FRS2: variants seen among roughly 807,000 people sequenced by gnomAD.
The protein encoded by FRS2 is fibroblast growth factor receptor substrate 2.
FRS2 carries 8 observed loss-of-function variants against 43.9 expected under a neutral mutation model. That is an observed-to-expected ratio of 0.18 (90% CI 0.11 to 0.33). The LOEUF is 0.33. Ranked by LOEUF, FRS2 falls within the 10% of genes least tolerant of loss-of-function variation. The pLI is 1.00. For synonymous variants in FRS2, 219 were observed against 220.3 expected (o/e 0.99, Z 0.05); for missense variants, 534 against 627.6 (o/e 0.85, Z 1.59).
intron 1 of FRS2, among the ~76,000 whole-genome samples, chr12:69,505,073 G>C (rs1416091265): frequency 1.3e-5 from 2 of 152,162 alleles, no homozygotes; most frequent in Non-Finnish European, 2.9e-5. Context: ...TGCTTTGGCT[G>C]ATCTCAAACT....
intron 1 of FRS2, among the ~76,000 whole-genome samples, chr12:69,489,322 CT>C (rs1247203386): frequency 1.3e-5 from 2 of 151,866 alleles, no homozygotes; most frequent in South Asian, 2.1e-4. Flanking sequence ...CTCCTTGGTT[CT>C]TTTTTTTGCA....
chr12:69,471,434 T>C (rs76177064), intron 1 of FRS2, among the ~76,000 whole-genome samples: 4,205 of 152,328 alleles, frequency 0.028, 185 homozygotes, highest in African/African-American at 0.096. Context: ...GGAACTGTCA[T>C]TTTTCTTAAG....
At position 69,522,190 on chromosome 12, in the gene FRS2, T is replaced by TTGTGTGTGTGTG. The variant is rs201103216; in HGVS notation, c.-260-8639_-260-8628dup. Among the ~76,000 whole-genome samples the TTGTGTGTGTGTG allele has an allele frequency of 1.0e-3, 140 of 134,816 alleles. 1 individual carries two copies. In the Middle Eastern group the frequency reaches 0.015, roughly 14 times the overall value. The allele number at this position is 134,816 out of a possible 152,430, so 88.4% of individuals were successfully genotyped here. On this transcript the variant is annotated intron_variant, in intron 1 of 8. Coordinates refer to ENST00000549921, the MANE Select transcript of FRS2 (RefSeq NM_001278356.2). ...TCAAGGATATTGGCTGAAGTTTTCT[T>TTGTGTGTGTGTG]TGTGTGTGTGTGTGTGTGTGTGTGT...
intron 1 of FRS2, among the ~76,000 whole-genome samples, chr12:69,479,948 G>A (rs1000056667): frequency 1.3e-5 from 2 of 151,884 alleles, no homozygotes; most frequent in Non-Finnish European, 2.9e-5. Context: ...CTCTACCTCC[G>A]TGTCTCTTAA....
At chr12:69,488,452 T>G (rs1041438749) in intron 1 of FRS2, among the ~76,000 whole-genome samples, 4 of 152,202 alleles carry the variant, frequency 2.6e-5, no homozygotes, top group Admixed American at 2.6e-4. Flanking sequence ...TGCGTTTTTT[T>G]AAACGTAATG....
intron 1 of FRS2, among the ~76,000 whole-genome samples, chr12:69,514,831 C>A (rs1424964094): frequency 4.8e-5 from 7 of 146,142 alleles, no homozygotes; most frequent in Non-Finnish European, 4.5e-5. Flanking sequence ...GACTGTGTCT[C>A]AAAAAAAAAA....
chr12:69,557,512 T>C (rs1271098792), intron 3 of FRS2, among the ~76,000 whole-genome samples: 1 of 152,098 alleles, frequency 6.6e-6, no homozygotes, highest in African/African-American at 2.4e-5. Context: ...ATCCTTTTGG[T>C]GTTGCTAGAG....
rs1234338124 is a variant in FRS2 at position 69,572,058 on chromosome 12, CT to C, written c.413-59del. Reference sequence around the variant, plus strand: ...ATCCTCAGTACAGATTCGATTCTTACTCATTTTTATTCTCTCTGCCCCGCCC... The same window carrying C: ...ATCCTCAGTACAGATTCGATTCTTACCATTTTTATTCTCTCTGCCCCGCCC... On this transcript the variant is annotated intron_variant, in intron 7 of 8. Coordinates refer to ENST00000549921, the MANE Select transcript of FRS2 (RefSeq NM_001278356.2). 2.3e-6 allele frequency: 3 copies of C among 1,316,736 alleles called. No homozygotes were observed. In the African/African-American group the frequency reaches 4.4e-5, roughly 19 times the overall value. 81.6% of individuals were successfully genotyped at this position (1,316,736 alleles called of 1,614,324 possible). A position where few individuals can be genotyped will look rare whatever the true frequency, so the allele number is the denominator to read the frequency against.
At chr12:69,479,598 A>G (rs1453714049) in intron 1 of FRS2, among the ~76,000 whole-genome samples, 1 of 151,720 alleles carries the variant, frequency 6.6e-6, no homozygotes, top group Non-Finnish European at 1.5e-5. Context: ...GGGTTTCACT[A>G]TGTTGGCTAG....
chr12:69,491,638 C>CCA (rs1446472376), intron 1 of FRS2: 1 of 150,586 alleles, frequency 6.6e-6, no homozygotes, highest in African/African-American at 2.4e-5. Flanking sequence ...GTAGGTAGGA[C>CCA]CACAGGTGTA....
Position 69,571,389 on chromosome 12 carries a change from C to T in FRS2, c.367C>T (p.His123Tyr). The change falls in exon 7 of 9, where the codon CAT becomes TAT. Residue 123 changes from histidine (H) to tyrosine (Y), a missense_variant. Coordinates refer to ENST00000549921, the MANE Select transcript of FRS2 (RefSeq NM_001278356.2). ...VEEPVVERNN[H>Y]QTELEVPRTP... Reference sequence around the variant, plus strand: ...AGAGCCAGTTGTAGAAAGAAATAATCATCAGACAGAATTGGAAGTCCCTAG... The same window carrying T: ...AGAGCCAGTTGTAGAAAGAAATAATTATCAGACAGAATTGGAAGTCCCTAG... The T allele has an allele frequency of 1.2e-6, 2 of 1,612,586 alleles. No homozygotes were observed. The highest frequency in any genetic ancestry group is 1.7e-6 in the Non-Finnish European group (2 of 1,178,972).
chr12:69,492,745 C>G (rs1488902723), intron 1 of FRS2, among the ~76,000 whole-genome samples: 3 of 152,120 alleles, frequency 2.0e-5, no homozygotes. Flanking sequence ...AGATAATGTT[C>G]TGTCTGTTAT....
chr12:69,560,036 A>G (rs1879753437), intron 3 of FRS2, among the ~76,000 whole-genome samples: 1 of 152,188 alleles, frequency 6.6e-6, no homozygotes, highest in Non-Finnish European at 1.5e-5. Context: ...ATTTATAATC[A>G]TACTTGTGAA....
intron 1 of FRS2, chr12:69,480,329 T>A (rs186784712): frequency 5.9e-5 from 9 of 152,358 alleles, no homozygotes; most frequent in Non-Finnish European, 1.3e-4. Flanking sequence ...AGTTTCTGCC[T>A]CTACAAATTT....
At chr12:69,492,329 A>G (rs549500034) in intron 1 of FRS2, among the ~76,000 whole-genome samples, 1 of 152,360 alleles carries the variant, frequency 6.6e-6, no homozygotes, top group Admixed American at 6.5e-5. Flanking sequence ...AAAATGGAGT[A>G]ACAGGGAAAT....
chr12:69,538,591 T>C (rs770323681), intron 3 of FRS2, among the ~76,000 whole-genome samples: 2 of 152,034 alleles, frequency 1.3e-5, no homozygotes, highest in Non-Finnish European at 2.9e-5. Context: ...GTGGGGGTGG[T>C]ATGTGTGTTT....
chr12:69,499,284 A>G (rs12370028), intron 1 of FRS2, among the ~76,000 whole-genome samples: 30,250 of 152,172 alleles, frequency 0.2, 3,228 homozygotes, highest in Middle Eastern at 0.3. Flanking sequence ...GAGGACAGAC[A>G]GGAGGATTTA....
chr12:69,532,101 A>G (rs996974163), intron 3 of FRS2, 45 bp downstream of exon 3: 2 of 152,542 alleles, frequency 1.3e-5, no homozygotes, highest in African/African-American at 4.8e-5. Flanking sequence ...TTGTTGAGTA[A>G]GGCTTAATTG....
chr12:69,520,322 A>G (rs913467009), intron 1 of FRS2, among the ~76,000 whole-genome samples: 5 of 146,898 alleles, frequency 3.4e-5, no homozygotes, highest in African/African-American at 1.3e-4. Flanking sequence ...TCAGATGCAT[A>G]GTTTGCAGAT....
Sources: gnomAD v4.1 joint callset for allele counts (sites outside exome capture counted in the v4.1 genomes callset) on GRCh38, gnomAD v4.1.1 for gene constraint, MANE v1.5 for transcripts, NCBI Gene and HGNC (gene_info 2026-07-23, HGNC 2026-07-21) for gene names.